Variants in ADK observed in about 807,000 individuals in gnomAD.
ADK encodes the protein N6,N6-dimethyladenosine kinase.
ADK carries 24 observed loss-of-function variants against 44.7 expected under a neutral mutation model. The ratio of observed to expected loss-of-function variants is 0.54; its 90% CI spans 0.39 to 0.76. The LOEUF is 0.76. Ranked by LOEUF, ADK falls within the 30% of genes least tolerant of loss-of-function variation. ADK has a pLI of 0.00. For missense variants in ADK, 321 were observed against 425.1 expected (o/e 0.76, Z 2.15); for synonymous variants, 128 against 142.6 (o/e 0.90, Z 0.73).
chr10:74,485,545 C>T (rs941851508), intron 6 of ADK, among the ~76,000 whole-genome samples: 1 of 151,872 alleles, frequency 6.6e-6, no homozygotes, highest in African/African-American at 2.4e-5. Flanking sequence ...ATGTAATCCA[C>T]AATGAGGTAT....
chr10:74,241,837 G>A (rs1015689218), intron 3 of ADK, among the ~76,000 whole-genome samples: 7 of 152,146 alleles, frequency 4.6e-5, no homozygotes, highest in African/African-American at 1.7e-4. Flanking sequence ...TGAGTAGTTG[G>A]GACTATAGCT....
At chr10:74,633,653 CCTT>C (rs1480137249) in intron 9 of ADK, among the ~76,000 whole-genome samples, 1 of 152,122 alleles carries the variant, frequency 6.6e-6, no homozygotes, top group Non-Finnish European at 1.5e-5. Context: ...TCAGAACAGC[CCTT>C]CTTCAGGTAG....
intron 3 of ADK, among the ~76,000 whole-genome samples, chr10:74,224,969 C>G (rs536114301): frequency 6.6e-6 from 1 of 152,308 alleles, no homozygotes; most frequent in South Asian, 2.1e-4. Context: ...ATTTTTGGGT[C>G]TTACTCCGGT....
chr10:74,522,530 C>A (rs984600500), intron 6 of ADK, among the ~76,000 whole-genome samples: 1 of 152,120 alleles, frequency 6.6e-6, no homozygotes, highest in African/African-American at 2.4e-5. Flanking sequence ...AGGCAATAAA[C>A]CCTTCCTTAA....
chr10:74,281,509 C>T (rs541536963), intron 3 of ADK, among the ~76,000 whole-genome samples: 27 of 152,254 alleles, frequency 1.8e-4, no homozygotes, highest in African/African-American at 6.5e-4. Flanking sequence ...GACAAAAAGT[C>T]ATCACACTAA....
chr10:74,384,725 T>A (rs970770994), intron 4 of ADK, among the ~76,000 whole-genome samples: 1 of 152,024 alleles, frequency 6.6e-6, no homozygotes, highest in African/African-American at 2.4e-5. Flanking sequence ...TAGGACAACA[T>A]TGTCTCAGTA....
intron 1 of ADK, chr10:74,176,621 C>T (rs1842347436): frequency 2.9e-6 from 4 of 1,394,626 alleles, no homozygotes; most frequent in African/African-American, 1.5e-5. Context: ...TGAGCTGGCA[C>T]GAGACACGCG....
intron 4 of ADK, among the ~76,000 whole-genome samples, chr10:74,325,576 A>G (rs989219748): frequency 9.9e-5 from 15 of 152,172 alleles, no homozygotes; most frequent in African/African-American, 3.6e-4. Context: ...TCAGAGGAAA[A>G]GCTTTCAATT....
intron 7 of ADK, among the ~76,000 whole-genome samples, chr10:74,574,886 A>G (rs1249947584): frequency 6.6e-6 from 1 of 152,188 alleles, no homozygotes; most frequent in East Asian, 1.9e-4. Context: ...AATCAAATTA[A>G]CTCATTCTAA....
chr10:74,601,083 T>G (rs1852103037), intron 9 of ADK, among the ~76,000 whole-genome samples: 1 of 152,084 alleles, frequency 6.6e-6, no homozygotes. Context: ...GATTAGTTAT[T>G]GTAAACTGGA....
intron 3 of ADK, among the ~76,000 whole-genome samples, chr10:74,249,048 G>C (rs1374304845): frequency 6.6e-6 from 1 of 152,026 alleles, no homozygotes; most frequent in Non-Finnish European, 1.5e-5. Context: ...TATTTTTCAT[G>C]TCTTCCAATA....
At chr10:74,176,909 G>A (rs1303788461) in intron 1 of ADK, 10 of 1,609,742 alleles carry the variant, frequency 6.2e-6, no homozygotes, top group Non-Finnish European at 8.5e-6. Flanking sequence ...CGGCTGCCTT[G>A]ACTGCTCCGA....
At chr10:74,586,883 A>G (rs1400826521) in intron 7 of ADK, among the ~76,000 whole-genome samples, 2 of 151,470 alleles carry the variant, frequency 1.3e-5, no homozygotes, top group Non-Finnish European at 2.9e-5. Flanking sequence ...ATATGTATAT[A>G]TATACACACA....
chr10:74,241,238 C>G (rs915929567), intron 3 of ADK, among the ~76,000 whole-genome samples: 1 of 152,178 alleles, frequency 6.6e-6, no homozygotes, highest in Admixed American at 6.5e-5. Flanking sequence ...GTTTTAGGTT[C>G]ATTCACAGCA....
At chr10:74,493,351 A>ATGTG (rs147575422) in intron 6 of ADK, among the ~76,000 whole-genome samples, 1 of 149,994 alleles carries the variant, frequency 6.7e-6, no homozygotes, top group African/African-American at 2.5e-5. Context: ...CCCAGCATGT[A>ATGTG]TGTGTGTGTG....
chr10:74,329,758 T>C (rs1841153521), intron 4 of ADK, among the ~76,000 whole-genome samples: 1 of 152,170 alleles, frequency 6.6e-6, no homozygotes, highest in South Asian at 2.1e-4. Flanking sequence ...AAAACTTAGA[T>C]TTAATTTTAT....
At chr10:74,631,671 G>A (rs1853429733) in intron 9 of ADK, among the ~76,000 whole-genome samples, 1 of 152,084 alleles carries the variant, frequency 6.6e-6, no homozygotes, top group South Asian at 2.1e-4. Flanking sequence ...AGTGCAGCCT[G>A]AACCATCAAG....
intron 1 of ADK, among the ~76,000 whole-genome samples, chr10:74,161,502 C>T (rs1382404866): frequency 6.6e-6 from 1 of 151,972 alleles, no homozygotes; most frequent in Non-Finnish European, 1.5e-5. Flanking sequence ...AGTCACCGCG[C>T]CTGGCCTATT....
intron 2 of ADK, among the ~76,000 whole-genome samples, chr10:74,215,139 A>G (rs1591867184): frequency 1.3e-5 from 2 of 152,214 alleles, no homozygotes; most frequent in South Asian, 4.1e-4. Flanking sequence ...TTAGGGCAGA[A>G]AAAAATGTTG....
Sources: gnomAD v4.1 joint callset for allele counts (sites outside exome capture counted in the v4.1 genomes callset) on GRCh38, gnomAD v4.1.1 for gene constraint, MANE v1.5 for transcripts, NCBI Gene and HGNC (gene_info 2026-07-23, HGNC 2026-07-21) for gene names.